Variants in CDH13 observed in about 807,000 individuals in gnomAD.
CDH13 encodes cadherin 13.
Under a neutral mutation model 63.8 loss-of-function variants are expected in CDH13, and 24 were observed. The observed-to-expected ratio is 0.38, with a 90% CI of 0.27 to 0.53. CDH13 has a LOEUF of 0.53. Ranked by LOEUF, CDH13 falls within the 20% of genes least tolerant of loss-of-function variation. The pLI, the probability that CDH13 is intolerant of heterozygous loss-of-function variation, is 0.85. For synonymous variants in CDH13, 503 were observed against 355.3 expected (o/e 1.42, Z -4.67); for missense variants, 1,049 against 903.1 (o/e 1.16, Z -2.07).
chr16:83,231,061 C>G (rs1341064151), intron 5 of CDH13, among the ~76,000 whole-genome samples: 2 of 152,222 alleles, frequency 1.3e-5, no homozygotes, highest in Non-Finnish European at 2.9e-5. Context: ...TGAGCAAATG[C>G]TCAGAGCAAG....
intron 6 of CDH13, among the ~76,000 whole-genome samples, chr16:83,460,982 A>AACAC (rs367812199): frequency 0.11 from 15,291 of 134,162 alleles, 961 homozygotes; most frequent in South Asian, 0.21. Flanking sequence ...CTTGTCTCAA[A>AACAC]ACACACACAC....
chr16:83,528,354 G>A (rs907781408), intron 7 of CDH13, among the ~76,000 whole-genome samples: 12 of 152,116 alleles, frequency 7.9e-5, no homozygotes, highest in Admixed American at 1.3e-4. Flanking sequence ...AAATGCAAAC[G>A]TGAAATTATT....
At chr16:83,759,849 G>C (rs1178891934) in intron 11 of CDH13, among the ~76,000 whole-genome samples, 1 of 151,468 alleles carries the variant, frequency 6.6e-6, no homozygotes, top group African/African-American at 2.4e-5. Context: ...GATCACTTGA[G>C]CCCAGGAGTT....
chr16:83,543,896 A>G (rs1310305098), intron 7 of CDH13, among the ~76,000 whole-genome samples: 1 of 152,322 alleles, frequency 6.6e-6, no homozygotes, highest in Admixed American at 6.5e-5. Flanking sequence ...AGTTGCCTCA[A>G]TGGGCAAGAC....
intron 6 of CDH13, among the ~76,000 whole-genome samples, chr16:83,371,741 G>A (rs764881053): frequency 2.0e-5 from 3 of 152,176 alleles, no homozygotes; most frequent in Non-Finnish European, 4.4e-5. Context: ...TGTAAGAAAA[G>A]CAGAACTTTA....
intron 5 of CDH13, among the ~76,000 whole-genome samples, chr16:83,236,598 C>G (rs954648294): frequency 5.9e-5 from 9 of 152,204 alleles, no homozygotes; most frequent in African/African-American, 2.2e-4. Context: ...AAAAACAGTT[C>G]TGGAGACAGA....
At chr16:82,688,582 G>A (rs1196077796) in intron 1 of CDH13, among the ~76,000 whole-genome samples, 1 of 152,168 alleles carries the variant, frequency 6.6e-6, no homozygotes, top group Non-Finnish European at 1.5e-5. Context: ...ATATTTTACA[G>A]TGTAATAGTG....
At chr16:83,513,950 A>T (rs946100044) in intron 7 of CDH13, among the ~76,000 whole-genome samples, 4 of 152,204 alleles carry the variant, frequency 2.6e-5, no homozygotes, top group African/African-American at 9.7e-5. Flanking sequence ...TTTGAGAGCA[A>T]AGTTTGCCTC....
intron 4 of CDH13, among the ~76,000 whole-genome samples, chr16:83,176,824 A>C (rs1488183248): frequency 6.6e-6 from 1 of 152,086 alleles, no homozygotes; most frequent in Non-Finnish European, 1.5e-5. Flanking sequence ...TGAGTGCCGG[A>C]TTGTAGCTCT....
chr16:83,521,198 G>A (rs28372540), intron 7 of CDH13, among the ~76,000 whole-genome samples: 10,542 of 152,212 alleles, frequency 0.069, 399 homozygotes, highest in South Asian at 0.14. Flanking sequence ...ACTGCCTTGC[G>A]TGTTAGCTCT....
intron 6 of CDH13, among the ~76,000 whole-genome samples, chr16:83,405,363 A>G (rs1253374769): frequency 6.6e-6 from 1 of 152,158 alleles, no homozygotes. Flanking sequence ...AAGGATCTTG[A>G]TTTAAAGAAG....
chr16:83,556,299 G>C (rs2075601118), intron 7 of CDH13, among the ~76,000 whole-genome samples: 1 of 152,158 alleles, frequency 6.6e-6, no homozygotes. Flanking sequence ...TTTTTAAATG[G>C]TAAGGGAGAT....
chr16:83,692,369 C>T (rs1904993324), intron 10 of CDH13, among the ~76,000 whole-genome samples: 2 of 152,330 alleles, frequency 1.3e-5, no homozygotes, highest in South Asian at 4.1e-4. Flanking sequence ...GGGATGCATT[C>T]TTCCCGGCTT....
chr16:83,015,111 C>A (rs934103452), intron 2 of CDH13, among the ~76,000 whole-genome samples: 1 of 151,520 alleles, frequency 6.6e-6, no homozygotes, highest in African/African-American at 2.4e-5. Flanking sequence ...GTATATATAG[C>A]TTGCAAATTT....
At chr16:82,725,979 T>C (rs2151028410) in intron 1 of CDH13, among the ~76,000 whole-genome samples, 1 of 152,214 alleles carries the variant, frequency 6.6e-6, no homozygotes, top group African/African-American at 2.4e-5. Context: ...TGTGAAACCT[T>C]TGGTGCACAG....
At chr16:83,602,855 C>T (rs1225268104) in intron 8 of CDH13, among the ~76,000 whole-genome samples, 1 of 152,174 alleles carries the variant, frequency 6.6e-6, no homozygotes, top group Non-Finnish European at 1.5e-5. Flanking sequence ...TTTTAATGCC[C>T]AAGTGCCATT....
intron 1 of CDH13, among the ~76,000 whole-genome samples, chr16:82,673,068 C>A (rs958846176): frequency 2.2e-5 from 3 of 134,292 alleles, no homozygotes; most frequent in African/African-American, 8.4e-5. Context: ...TCTCGAACTC[C>A]TGGGCTCAAG....
chr16:83,659,597 T>C (rs1479234844), intron 8 of CDH13, among the ~76,000 whole-genome samples: 1 of 152,196 alleles, frequency 6.6e-6, no homozygotes, highest in African/African-American at 2.4e-5. Context: ...CCAAGAACGA[T>C]CTCTGAAAGC....
intron 1 of CDH13, among the ~76,000 whole-genome samples, chr16:82,740,460 G>A (rs1025311019): frequency 1.3e-5 from 2 of 152,174 alleles, no homozygotes; most frequent in East Asian, 3.8e-4. Flanking sequence ...ATCTAGATAG[G>A]GGTGGAATAT....
Sources: allele counts gnomAD v4.1 joint callset (sites outside exome capture counted in the v4.1 genomes callset), GRCh38; gene constraint gnomAD v4.1.1; transcripts MANE v1.5; gene names NCBI Gene and HGNC (gene_info 2026-07-23, HGNC 2026-07-21).